SPINK5: variants seen among roughly 807,000 people sequenced by gnomAD.
SPINK5 encodes serine protease inhibitor Kazal-type 5.
In SPINK5, 125 loss-of-function variants were observed where a neutral mutation model predicts 151.8. That is an observed-to-expected ratio of 0.82 (90% CI 0.71 to 0.96). The LOEUF (loss-of-function observed/expected upper bound fraction) is 0.96. Among genes scored for constraint, SPINK5 ranks in the 40% least tolerant of loss-of-function variants. SPINK5 has a pLI of 0.00. For missense variants in SPINK5, 1,194 were observed against 1,291.9 expected (o/e 0.92, Z 1.16); for synonymous variants, 374 against 395.3 (o/e 0.95, Z 0.64).
In SPINK5 at chr5:148,097,944, T is replaced by C; in HGVS notation, c.960T>C (p.Gly320=). The change falls in exon 11 of 33, where the codon GGT becomes GGC. Residue 320 remains glycine, a synonymous_variant. Transcript: ENST00000256084. ...CCAGAGAAAATGACCCTATTCGTGGTCCAGATGGGAAAATGCATGGCAACT... is the reference window on the plus strand; with the variant it reads ...CCAGAGAAAATGACCCTATTCGTGGCCCAGATGGGAAAATGCATGGCAACT... ...FCTRENDPIR[G]PDGKMHGNLC... The C allele has an allele frequency of 2.5e-6, 4 of 1,612,402 alleles. No individual in the cohort carries two copies. Among genetic ancestry groups the C allele is most frequent in the Non-Finnish European group, 3.4e-6 (4 of 1,178,826 alleles).
chr5:148,078,726 TTTG>T (rs778466765), intron 4 of SPINK5, among the ~76,000 whole-genome samples: 1 of 150,736 alleles, frequency 6.6e-6, no homozygotes, highest in Non-Finnish European at 1.5e-5. Flanking sequence ...TGGAAAATAA[TTTG>T]AATTGAATGA....
At chr5:148,127,217 A>C (rs116803896) in intron 30 of SPINK5, 138 bp downstream of exon 30, 1 of 669,638 alleles carries the variant, frequency 1.5e-6, no homozygotes, top group African/African-American at 1.8e-5. Context: ...TGAGGACTAT[A>C]TGCAGTTTAT....
intron 7 of SPINK5, among the ~76,000 whole-genome samples, chr5:148,090,451 T>C (rs969703832): frequency 4.0e-5 from 6 of 151,682 alleles, no homozygotes; most frequent in African/African-American, 1.5e-4. Context: ...CTAGGAGACA[T>C]GTTCTCTCAA....
intron 4 of SPINK5, among the ~76,000 whole-genome samples, chr5:148,075,963 G>A (rs886987175): frequency 6.6e-6 from 1 of 151,776 alleles, no homozygotes; most frequent in Admixed American, 6.6e-5. Context: ...TGAGGTTGCA[G>A]TCATAATTGA....
intron 4 of SPINK5, among the ~76,000 whole-genome samples, chr5:148,085,895 T>A (rs1753140694): frequency 6.6e-6 from 1 of 151,906 alleles, no homozygotes; most frequent in Admixed American, 6.6e-5. Context: ...ATTATAACCA[T>A]TTTGCACATG....
chr5:148,077,113 TA>T (rs1752902049), intron 4 of SPINK5, among the ~76,000 whole-genome samples: 1 of 151,126 alleles, frequency 6.6e-6, no homozygotes, highest in East Asian at 2.0e-4. Flanking sequence ...TTTTAACATT[TA>T]AGAAACTCAA....
chr5:148,105,537 T>C (rs1011069933), intron 16 of SPINK5, among the ~76,000 whole-genome samples: 1 of 152,190 alleles, frequency 6.6e-6, no homozygotes, highest in African/African-American at 2.4e-5. Context: ...ATTTTATACA[T>C]AGCAGAGTCA....
chr5:148,073,005 A>G (rs1195530096), intron 4 of SPINK5, among the ~76,000 whole-genome samples: 1 of 151,918 alleles, frequency 6.6e-6, no homozygotes, highest in Admixed American at 6.6e-5. Flanking sequence ...TTACAAAATT[A>G]TAAAAATAAA....
At chr5:148,096,878 C>T (rs1020082262) in intron 10 of SPINK5, among the ~76,000 whole-genome samples, 1 of 151,614 alleles carries the variant, frequency 6.6e-6, no homozygotes, top group Non-Finnish European at 1.5e-5. Context: ...CACACCTCAG[C>T]TTTCCAAAGT....
intron 25 of SPINK5, 64 bp downstream of exon 25, chr5:148,120,200 A>C (rs1301849722): frequency 1.9e-6 from 3 of 1,612,922 alleles, no homozygotes; most frequent in Middle Eastern, 3.3e-4. Context: ...ATTTCTTACC[A>C]GTTTGGGAAA....
chr5:148,112,956 A>G, intron 20 of SPINK5, 22 bp downstream of exon 20: 1 of 1,613,196 alleles, frequency 6.2e-7, no homozygotes. Context: ...GAATGTTTAT[A>G]CTGCAATGAA....
chr5:148,116,499 C>A (rs372844384), intron 22 of SPINK5, 33 bp downstream of exon 22: 1 of 1,600,864 alleles, frequency 6.2e-7, no homozygotes, highest in Non-Finnish European at 8.6e-7. Flanking sequence ...GTAACTGGGG[C>A]GGGCTCAACT....
chr5:148,094,131 C>T lies in SPINK5; in HGVS notation c.667-223C>T, dbSNP rs181609650. 4.0e-5 allele frequency among the ~76,000 whole-genome samples: 6 copies of T among 151,746 alleles called. No individual in the cohort carries two copies. In the East Asian group the frequency reaches 1.2e-3, roughly 30 times the overall value. On this transcript the variant is annotated intron_variant, in intron 8 of 32. Coordinates refer to ENST00000256084, the MANE Select transcript of SPINK5 (RefSeq NM_006846.4). ...GCAACATGATGAGATCCAGTCTCTA[C>T]CAAAAAGGAAAAAATTTAGCCGGGT...
Position 148,114,425 on chromosome 5 carries a change from G to A in SPINK5, c.1951G>A (p.Asp651Asn). Residue 651 changes from aspartate to asparagine, a missense_variant, in exon 21 of 33, where the codon GAT becomes AAT. By Grantham distance (23) the Asp-to-Asn change is conservative (BLOSUM62 1). Transcript: ENST00000256084. Reference sequence around the variant, plus strand: ...AAAACTTTTCTGCACAAGAGAAAATGATCCTGTGCGTGGCCCAGATGGCAA... The same window carrying A: ...AAAACTTTTCTGCACAAGAGAAAATAATCCTGTGCGTGGCCCAGATGGCAA... The part of the protein sequence containing the change: ...NGKLFCTREN[D>N]PVRGPDGKTH... The A allele has an allele frequency of 6.2e-7, 1 of 1,613,750 alleles. No individual in the cohort carries two copies. The highest frequency in any genetic ancestry group is 8.5e-7 in the Non-Finnish European group (1 of 1,179,762).
chr5:148,068,535 T>C lies in SPINK5; in HGVS notation c.82-1788T>C, dbSNP rs571724999. 7.9e-5 allele frequency among the ~76,000 whole-genome samples: 9 copies of C among 113,452 alleles called. No individual in the cohort carries two copies. In the South Asian group the frequency reaches 2.4e-3, roughly 30 times the overall value. The allele number at this position is 113,452 out of a possible 152,430, so 74.4% of individuals were successfully genotyped here. On this transcript the variant is annotated intron_variant, in intron 2 of 32. Transcript: ENST00000256084. ...GAGTTCAAGACCAGCCTGGGCGATG[T>C]AGTGAGACCCTGCCTCTCCAAAAAA...
chr5:148,108,930 T>C, intron 18 of SPINK5, 93 bp downstream of exon 18: 1 of 1,577,198 alleles, frequency 6.3e-7, no homozygotes, highest in Non-Finnish European at 8.6e-7. Flanking sequence ...TCCAGTATTC[T>C]TAGTTTCTTT....
chr5:148,078,576 A>G (rs1752942253), intron 4 of SPINK5, among the ~76,000 whole-genome samples: 2 of 151,070 alleles, frequency 1.3e-5, no homozygotes, highest in South Asian at 2.1e-4. Flanking sequence ...AAAATCATAT[A>G]TAGTATTTTT....
intron 19 of SPINK5, among the ~76,000 whole-genome samples, chr5:148,112,351 G>C (rs1445993165): frequency 6.6e-6 from 1 of 152,088 alleles, no homozygotes; most frequent in African/African-American, 2.4e-5. Context: ...GTTTGCTATG[G>C]CATGTGCGTC....
chr5:148,125,656 A>G, intron 28 of SPINK5, 67 bp from the exon 29 acceptor site: 1 of 1,614,150 alleles, frequency 6.2e-7, no homozygotes, highest in Non-Finnish European at 8.5e-7. Context: ...CCTAAAACCA[A>G]GTTTGAAGAA....
Sources: allele counts gnomAD v4.1 joint callset (sites outside exome capture counted in the v4.1 genomes callset), GRCh38; gene constraint gnomAD v4.1.1; transcripts MANE v1.5; gene names NCBI Gene and HGNC (gene_info 2026-07-23, HGNC 2026-07-21).